Variants in DEFB125 observed in about 807,000 individuals in gnomAD.
DEFB125 encodes beta-defensin 125.
In DEFB125, 11 loss-of-function variants were observed where a neutral mutation model predicts 11.8. The ratio of observed to expected loss-of-function variants is 0.94; its 90% CI spans 0.59 to 1.55. The LOEUF (loss-of-function observed/expected upper bound fraction) is 1.55, where lower values mean the gene tolerates loss of function less well. Among genes scored for constraint, DEFB125 ranks in the 40% most tolerant of loss-of-function variants. The pLI is 0.00. For synonymous variants in DEFB125, 79 were observed against 66.7 expected, an observed-to-expected ratio of 1.18 and a Z score of -0.90; for missense variants, 198 against 191.2, an observed-to-expected ratio of 1.04 and a Z score of -0.21.
chr20:96,094 A>G lies in DEFB125; in HGVS notation c.148A>G (p.Arg50Gly), dbSNP rs769435585. The change falls in exon 2 of 2, where the codon AGG becomes GGG. Residue 50 changes from arginine (R) to glycine (G), a missense_variant. Physicochemically the swap from Arg to Gly is moderately radical, Grantham distance 125. Coordinates refer to ENST00000382410, the MANE Select transcript of DEFB125 (RefSeq NM_153325.4). ...TACTGAAAGGTACATACTTCTTTGT[A>G]GGAACAAGCTATCATGCTGCATTTC... is the stretch of plus-strand genomic sequence containing the variant. ...LDTERYILLC[R>G]NKLSCCISII... 83 of 1,614,046 alleles carry G rather than the reference A, an allele frequency of 5.1e-5. No individual in the cohort carries two copies. Among genetic ancestry groups the G allele is most frequent in the African/African-American group, 2.7e-5 (2 of 74,946 alleles).
At chr20:95,584 G>A (rs1168217143) in intron 1 of DEFB125, among the ~76,000 whole-genome samples, 1 of 152,046 alleles carries the variant, frequency 6.6e-6, no homozygotes, top group Non-Finnish European at 1.5e-5. Context: ...TCAGGATGAT[G>A]CTGGCCTCAT....
rs2054516877 is a variant in DEFB125, at chr20:96,603, A to G, written c.*186A>G. The G allele has an allele frequency of 1.5e-6, 1 of 651,978 alleles. No homozygotes were observed. The highest frequency in any genetic ancestry group is 2.6e-6 in the Non-Finnish European group (1 of 391,030). The allele number at this position is 651,978 out of a possible 1,614,324, so 40.4% of individuals were successfully genotyped here. On this transcript the variant is annotated 3_prime_UTR_variant, in exon 2 of 2. Transcript: ENST00000382410. ...TTGCCTTACAATTAGAAATGTGTAG[A>G]CAGAAATGTATAGAAGATACAAGGA...
At chr20:93,859 G>A (rs1404404786) in intron 1 of DEFB125, among the ~76,000 whole-genome samples, 2 of 152,106 alleles carry the variant, frequency 1.3e-5, no homozygotes, top group Non-Finnish European at 2.9e-5. Flanking sequence ...AAATAGTCCA[G>A]GTCCTTTGAG....
Position 96,622 on chromosome 20 carries a change from A to G in DEFB125, c.*205A>G. On this transcript the variant is annotated 3_prime_UTR_variant, in exon 2 of 2. Transcript: ENST00000382410. ...GTGTAGACAGAAATGTATAGAAGAT[A>G]CAAGGATTCTCTTAATTGGACTTAA... 1 of 558,822 alleles carries G rather than the reference A, an allele frequency of 1.8e-6. No homozygotes were observed. The allele number at this position is 558,822 out of a possible 1,614,324, so 34.6% of individuals were successfully genotyped here. A position where few individuals can be genotyped will look rare whatever the true frequency, so the allele number is the denominator to read the frequency against.
At chr20:88,800 A>G (rs1283011723) in intron 1 of DEFB125, among the ~76,000 whole-genome samples, 3 of 151,922 alleles carry the variant, frequency 2.0e-5, no homozygotes, top group Non-Finnish European at 4.4e-5. Context: ...TTAATTATCA[A>G]AAACAATTCA....
chr20:96,035 A>C lies in DEFB125; in HGVS notation c.89A>C (p.Asn30Thr). 6.2e-7 allele frequency: 1 copy of C among 1,605,514 alleles called. No individual in the cohort carries two copies. The highest frequency in any genetic ancestry group is 8.5e-7 in the Non-Finnish European group (1 of 1,173,376). The change falls in exon 2 of 2, where the codon AAT (asparagine) becomes ACT (threonine). Residue 30 changes from asparagine (N) to threonine (T), a missense_variant. Asn to Thr is a moderately conservative substitution (Grantham distance 65, BLOSUM62 0). Transcript: ENST00000382410. ...GSFEPQKCWK[N>T]NVGHCRRRCL... Reference sequence around the variant, plus strand: ...TTTGAACCCCAAAAATGTTGGAAGAATAATGTAGGACATTGCAGAAGACGA... The same window carrying C: ...TTTGAACCCCAAAAATGTTGGAAGACTAATGTAGGACATTGCAGAAGACGA...
chr20:96,319 T>TCCGAGGCCA lies in DEFB125; in HGVS notation c.374_375insCGAGGCCAC (p.Glu126_Thr128dup). On this transcript the variant is annotated inframe_insertion, in exon 2 of 2. Coordinates refer to ENST00000382410, the MANE Select transcript of DEFB125 (RefSeq NM_153325.4). ...TACTCCTGAGACTACTATGCCACCA[T>TCCGAGGCCA]CTGAGGCCACTACTCCCGAGACTAC... 6.2e-7 allele frequency: 1 copy of TCCGAGGCCA among 1,613,508 alleles called. No homozygotes were observed. Among genetic ancestry groups the TCCGAGGCCA allele is most frequent in the Non-Finnish European group, 8.5e-7 (1 of 1,179,542 alleles).
chr20:94,510 G>A (rs1428082415), intron 1 of DEFB125, among the ~76,000 whole-genome samples: 1 of 152,058 alleles, frequency 6.6e-6, no homozygotes, highest in Non-Finnish European at 1.5e-5. Context: ...TCCCTCACAT[G>A]CACAGTTCAC....
intron 1 of DEFB125, among the ~76,000 whole-genome samples, chr20:89,920 G>A (rs1225889123): frequency 6.6e-6 from 1 of 151,890 alleles, no homozygotes; most frequent in Non-Finnish European, 1.5e-5. Flanking sequence ...TCTCTTATAG[G>A]TTTTGTTTTG....
At chr20:90,410 A>ATTAT in intron 1 of DEFB125, among the ~76,000 whole-genome samples, 1 of 152,284 alleles carries the variant, frequency 6.6e-6, no homozygotes, top group Non-Finnish European at 1.5e-5. Flanking sequence ...TCTGCCTGCA[A>ATTAT]ATTATATCCA....
At chr20:88,533 T>C (rs2054484686) in intron 1 of DEFB125, among the ~76,000 whole-genome samples, 1 of 152,190 alleles carries the variant, frequency 6.6e-6, no homozygotes, top group Non-Finnish European at 1.5e-5. Flanking sequence ...TCAGAATCAA[T>C]CAATGTTACC....
In DEFB125 at chr20:96,320, C is replaced by G. The variant is rs2054515427; in HGVS notation, c.374C>G (p.Ser125Cys). 6.2e-7 allele frequency: 1 copy of G among 1,613,534 alleles called. No individual in the cohort carries two copies. Among genetic ancestry groups the G allele is most frequent in the Non-Finnish European group, 8.5e-7 (1 of 1,179,550 alleles). Reference sequence around the variant, plus strand: ...ACTCCTGAGACTACTATGCCACCATCTGAGGCCACTACTCCCGAGACTACT... The same window carrying G: ...ACTCCTGAGACTACTATGCCACCATGTGAGGCCACTACTCCCGAGACTACT... ...TNTPETTMPP[S>C]EATTPETTMP... The change falls in exon 2 of 2, where the codon TCT becomes TGT. Residue 125 changes from serine to cysteine, a missense_variant. Coordinates refer to ENST00000382410, the MANE Select transcript of DEFB125 (RefSeq NM_153325.4).
At chr20:95,523 G>A (rs1477556518) in intron 1 of DEFB125, among the ~76,000 whole-genome samples, 2 of 152,136 alleles carry the variant, frequency 1.3e-5, no homozygotes, top group Non-Finnish European at 2.9e-5. Context: ...TGTTCATCAA[G>A]GATACTGGCC....
At chr20:91,298 A>T (rs568788639) in intron 1 of DEFB125, among the ~76,000 whole-genome samples, 30 of 152,262 alleles carry the variant, frequency 2.0e-4, no homozygotes, top group Admixed American at 6.5e-5. Context: ...TTTGCTGTGC[A>T]CAAGCTTTTT....
chr20:92,242 C>T (rs2054498729), intron 1 of DEFB125, among the ~76,000 whole-genome samples: 1 of 151,964 alleles, frequency 6.6e-6, no homozygotes, highest in Non-Finnish European at 1.5e-5. Flanking sequence ...GGGCAATTGT[C>T]TTGAGAAAGA....
intron 1 of DEFB125, among the ~76,000 whole-genome samples, chr20:94,631 G>A (rs1338835201): frequency 6.6e-6 from 1 of 152,184 alleles, no homozygotes; most frequent in Non-Finnish European, 1.5e-5. Flanking sequence ...TGTGCAGCCT[G>A]GTTCCTAACA....
rs766360314 is a variant in DEFB125 at position 96,474 on chromosome 20, A to G, written c.*57A>G. 6.5e-7 allele frequency: 1 copy of G among 1,536,094 alleles called. No individual in the cohort carries two copies. Among genetic ancestry groups the G allele is most frequent in the Non-Finnish European group, 8.7e-7 (1 of 1,145,858 alleles). ...AAATACTGCTGGAAATAATATCCAAAGAGCTGATTCTACCAATCCAATTTC... is the reference window on the plus strand; with the variant it reads ...AAATACTGCTGGAAATAATATCCAAGGAGCTGATTCTACCAATCCAATTTC... On this transcript the variant is annotated 3_prime_UTR_variant, in exon 2 of 2. Transcript: ENST00000382410.
At chr20:93,838 G>A (rs2054505156) in intron 1 of DEFB125, among the ~76,000 whole-genome samples, 1 of 152,138 alleles carries the variant, frequency 6.6e-6, no homozygotes, top group Non-Finnish European at 1.5e-5. Flanking sequence ...CAACTATGGG[G>A]GAAGCTGGAT....
chr20:92,123 TGTTTA>T (rs1226768735), intron 1 of DEFB125, among the ~76,000 whole-genome samples: 1 of 152,180 alleles, frequency 6.6e-6, no homozygotes, highest in East Asian at 1.9e-4. Flanking sequence ...CAAATAAGGT[TGTTTA>T]GAAAATTACT....
Sources: allele counts gnomAD v4.1 joint callset (sites outside exome capture counted in the v4.1 genomes callset), GRCh38; gene constraint gnomAD v4.1.1; transcripts MANE v1.5; gene names NCBI Gene and HGNC (gene_info 2026-07-23, HGNC 2026-07-21).